The following CORIN variants were observed in gnomAD, a reference collection of about 807,000 sequenced individuals.
CORIN encodes the protein atrial natriuretic peptide-converting enzyme.
CORIN carries 117 observed loss-of-function variants against 125.3 expected under a neutral mutation model. The ratio of observed to expected loss-of-function variants is 0.93; its 90% CI spans 0.80 to 1.09. The LOEUF is 1.09. CORIN is among the 50% of genes least tolerant of loss of function. CORIN has a pLI of 0.00. For missense variants in CORIN, 1,253 were observed against 1,306.7 expected, an observed-to-expected ratio of 0.96 and a Z score of 0.63; for synonymous variants, 450 against 466.4, an observed-to-expected ratio of 0.96 and a Z score of 0.45.
intron 4 of CORIN, among the ~76,000 whole-genome samples, chr4:47,755,004 G>GAGC (rs920560576): frequency 2.0e-5 from 3 of 151,916 alleles, no homozygotes; most frequent in African/African-American, 7.3e-5. Context: ...TGAGTTTTTG[G>GAGC]AGCTCCTTAT....
At chr4:47,768,419 CCT>C (rs1729865943) in intron 3 of CORIN, among the ~76,000 whole-genome samples, 1 of 152,160 alleles carries the variant, frequency 6.6e-6, no homozygotes, top group African/African-American at 2.4e-5. Context: ...AATATCAATT[CCT>C]CTCAAACTCT....
At chr4:47,613,832 T>C (rs1721965040) in intron 19 of CORIN, among the ~76,000 whole-genome samples, 1 of 135,652 alleles carries the variant, frequency 7.4e-6, no homozygotes, top group South Asian at 2.9e-4. Context: ...GGGGGAGGGA[T>C]AGCATTGGGA....
chr4:47,618,059 G>C (rs1235173375), intron 19 of CORIN, among the ~76,000 whole-genome samples: 2 of 151,118 alleles, frequency 1.3e-5, no homozygotes, highest in East Asian at 3.9e-4. Flanking sequence ...TGTGGGCTGA[G>C]CGCAGTGGCT....
intron 4 of CORIN, among the ~76,000 whole-genome samples, chr4:47,744,963 T>G (rs1728596452): frequency 6.6e-6 from 1 of 152,220 alleles, no homozygotes; most frequent in African/African-American, 2.4e-5. Flanking sequence ...AAAAATATGT[T>G]ATTCTTGTAT....
At chr4:47,795,807 G>C (rs1428392130) in intron 2 of CORIN, among the ~76,000 whole-genome samples, 1 of 151,946 alleles carries the variant, frequency 6.6e-6, no homozygotes, top group Admixed American at 6.6e-5. Context: ...GATCTGAATA[G>C]ACATTTCTCC....
chr4:47,639,561 T>G (rs1438148538), intron 16 of CORIN, among the ~76,000 whole-genome samples: 1 of 152,214 alleles, frequency 6.6e-6, no homozygotes, highest in Non-Finnish European at 1.5e-5. Flanking sequence ...TATGTCTGAA[T>G]GTACAAAGGC....
chr4:47,636,462 C>T (rs1031262296), intron 16 of CORIN, among the ~76,000 whole-genome samples: 10 of 152,166 alleles, frequency 6.6e-5, no homozygotes, highest in Admixed American at 2.0e-4. Flanking sequence ...AGTCAATATG[C>T]TGTTGACATG....
intron 2 of CORIN, among the ~76,000 whole-genome samples, chr4:47,789,502 G>A (rs1483960126): frequency 6.6e-6 from 1 of 152,106 alleles, no homozygotes; most frequent in African/African-American, 2.4e-5. Context: ...ATATTTGAGA[G>A]GTACTGTAGT....
In CORIN at chr4:47,673,179, A is replaced by AAAATAAAT. The variant is rs66990449; in HGVS notation, c.1357+1206_1357+1213dup. On this transcript the variant is annotated intron_variant, in intron 10 of 21. Transcript: ENST00000273857. ...CATGGTGAAACGCCATCTTTACCAA[A>AAAATAAAT]AAATAAATAAATAAATAAATAAATA... is the stretch of plus-strand genomic sequence containing the variant. Among the ~76,000 whole-genome samples, 224 of 142,822 alleles carry AAAATAAAT rather than the reference A, an allele frequency of 1.6e-3. 1 individual carries two copies. Among genetic ancestry groups the AAAATAAAT allele is most frequent in the Middle Eastern group, 0.01 (3 of 286 alleles). The allele number at this position is 142,822 out of a possible 152,430, so 93.7% of individuals were successfully genotyped here.
At chr4:47,731,130 T>C (rs1560523730) in intron 5 of CORIN, among the ~76,000 whole-genome samples, 1 of 152,186 alleles carries the variant, frequency 6.6e-6, no homozygotes, top group African/African-American at 2.4e-5. Context: ...AGTTTTTAAC[T>C]AGAACAACTG....
At chr4:47,817,158 G>C (rs895217180) in intron 1 of CORIN, among the ~76,000 whole-genome samples, 2 of 152,006 alleles carry the variant, frequency 1.3e-5, no homozygotes, top group Admixed American at 6.6e-5. Context: ...TCTTAATTGT[G>C]TGTGATCATC....
intron 18 of CORIN, 71 bp downstream of exon 18, chr4:47,623,828 A>G: frequency 6.2e-7 from 1 of 1,607,224 alleles, no homozygotes; most frequent in Non-Finnish European, 8.5e-7. Context: ...CTTACAAGCG[A>G]TCACTCTTCC....
chr4:47,632,757 A>ATAGATAGATAGATAGATAGATAGATAGAT (rs1553905923), intron 16 of CORIN, among the ~76,000 whole-genome samples: 20 of 136,912 alleles, frequency 1.5e-4, no homozygotes, highest in African/African-American at 4.7e-4. Flanking sequence ...ATAGATAGAT[A>ATAGATAGATAGATAGATAGATAGATAGAT]GATAGATAGA....
chr4:47,667,087 T>C (rs1346316496), intron 10 of CORIN, among the ~76,000 whole-genome samples: 1 of 152,178 alleles, frequency 6.6e-6, no homozygotes, highest in Non-Finnish European at 1.5e-5. Flanking sequence ...ACTGTTCTCA[T>C]GGTAGTGAAT....
intron 12 of CORIN, among the ~76,000 whole-genome samples, chr4:47,659,064 C>T (rs1488960893): frequency 2.6e-5 from 4 of 152,162 alleles, no homozygotes; most frequent in African/African-American, 4.8e-5. Flanking sequence ...AGAATGCAGC[C>T]AAACTCTTTT....
At chr4:47,745,734 T>G (rs1343834392) in intron 4 of CORIN, among the ~76,000 whole-genome samples, 6 of 152,182 alleles carry the variant, frequency 3.9e-5, no homozygotes, top group Non-Finnish European at 1.5e-5. Context: ...AATACCCCAT[T>G]CATACTTCTA....
chr4:47,756,090 G>A lies in CORIN; in HGVS notation c.617+7289C>T, dbSNP rs142245980. Among the ~76,000 whole-genome samples the A allele has an allele frequency of 1.4e-3, 216 of 152,312 alleles. 1 individual carries two copies. Among genetic ancestry groups the A allele is most frequent in the African/African-American group, 5.0e-3 (209 of 41,562 alleles). On this transcript the variant is annotated intron_variant, in intron 4 of 21. Transcript: ENST00000273857. ...CAGACAGGCAAAAGGGGTTATAACT[G>A]TGCCATGGTGAAAGATAACAGGCCC...
In CORIN at chr4:47,594,792, A is replaced by T. The variant is rs1288338297; in HGVS notation, c.*929T>A. Reference sequence around the variant, plus strand: ...ATATCCAGTTCTTTGCCACATAAGTAAAACAAAATATTGCCCATAAATATA... The same window carrying T: ...ATATCCAGTTCTTTGCCACATAAGTTAAACAAAATATTGCCCATAAATATA... On this transcript the variant is annotated 3_prime_UTR_variant, in exon 22 of 22. Coordinates refer to ENST00000273857, the MANE Select transcript of CORIN (RefSeq NM_006587.4). 1 of 152,204 alleles carries T rather than the reference A, an allele frequency of 6.6e-6. No homozygotes were observed. The highest frequency in any genetic ancestry group is 2.4e-5 in the African/African-American group (1 of 41,448). The allele number at this position is 152,204 out of a possible 1,614,324, so 9.4% of individuals were successfully genotyped here. A position where few individuals can be genotyped will look rare whatever the true frequency, so the allele number is the denominator to read the frequency against.
intron 5 of CORIN, among the ~76,000 whole-genome samples, chr4:47,710,397 T>C (rs772919879): frequency 3.9e-5 from 6 of 152,374 alleles, no homozygotes; most frequent in Admixed American, 1.3e-4. Flanking sequence ...AATTCCTTGA[T>C]AAATGCTTTA....
Sources: allele counts gnomAD v4.1 joint callset (sites outside exome capture counted in the v4.1 genomes callset), GRCh38; gene constraint gnomAD v4.1.1; transcripts MANE v1.5; gene names NCBI Gene and HGNC (gene_info 2026-07-23, HGNC 2026-07-21).